LMBRD2: variants seen among roughly 807,000 people sequenced by gnomAD.
The protein encoded by LMBRD2 is LMBR1 domain containing 2, also known as G protein-coupled receptor-associated protein LMBRD2.
LMBRD2 carries 55 observed loss-of-function variants against 94.4 expected under a neutral mutation model. The ratio of observed to expected loss-of-function variants is 0.58; its 90% CI spans 0.47 to 0.73. The LOEUF is 0.73. LMBRD2 is among the 30% of genes least tolerant of loss of function. LMBRD2 has a pLI of 0.00. For synonymous variants in LMBRD2, 246 were observed against 272.4 expected, an observed-to-expected ratio of 0.90 and a Z score of 0.95; for missense variants, 640 against 831.9, an observed-to-expected ratio of 0.77 and a Z score of 2.84.
At position 36,116,447 on chromosome 5, in the gene LMBRD2, T is replaced by C. The variant is rs761945091; in HGVS notation, c.1436+13A>G. ...ATGACATTTCTCTTGTTTCTAAACA[T>C]AATCCTACTTACATGCCACTGAAAA... On this transcript the variant is annotated intron_variant, in intron 11 of 17. Coordinates refer to ENST00000296603, the MANE Select transcript of LMBRD2 (RefSeq NM_001007527.2). 6.2e-7 allele frequency: 1 copy of C among 1,609,962 alleles called. No individual in the cohort carries two copies. The highest frequency in any genetic ancestry group is 1.1e-5 in the South Asian group (1 of 90,408).
At position 36,122,216 on chromosome 5, in the gene LMBRD2, C is replaced by T; in HGVS notation, c.1120+64G>A. On this transcript the variant is annotated intron_variant, in intron 9 of 17. Transcript: ENST00000296603. ...ATTCAACTTTGCATTGGTGAAAATA[C>T]ATAACTTCTTTCTACAGAAAACTTT... 2.5e-6 allele frequency: 3 copies of T among 1,208,206 alleles called. No homozygotes were observed. In the South Asian group the frequency reaches 4.5e-5, roughly 18 times the overall value. The allele number at this position is 1,208,206 out of a possible 1,614,324, so 74.8% of individuals were successfully genotyped here. A position where few individuals can be genotyped will look rare whatever the true frequency, so the allele number is the denominator to read the frequency against.
intron 17 of LMBRD2, among the ~76,000 whole-genome samples, chr5:36,104,655 C>T (rs1435996688): frequency 1.3e-5 from 2 of 151,866 alleles, no homozygotes; most frequent in South Asian, 4.1e-4. Flanking sequence ...CATACAATTA[C>T]AATATTTTTG....
intron 17 of LMBRD2, among the ~76,000 whole-genome samples, chr5:36,104,557 T>G (rs11743551): frequency 0.29 from 43,438 of 151,878 alleles, 7,620 homozygotes; most frequent in Non-Finnish European, 0.39. Flanking sequence ...ATACTGGACT[T>G]TGAATGCCTG....
intron 16 of LMBRD2, 70 bp downstream of exon 16, chr5:36,108,464 A>C (rs1743524426): frequency 7.2e-6 from 5 of 689,862 alleles, no homozygotes; most frequent in Non-Finnish European, 1.2e-5. Flanking sequence ...TGTGTATTCT[A>C]ACACTCAATC....
chr5:36,113,183 T>C (rs933670623), intron 13 of LMBRD2, among the ~76,000 whole-genome samples: 1 of 152,128 alleles, frequency 6.6e-6, no homozygotes, highest in African/African-American at 2.4e-5. Flanking sequence ...CCTAACTGCT[T>C]GTGTTATCTA....
chr5:36,130,042 T>C (rs1374319754), intron 6 of LMBRD2, among the ~76,000 whole-genome samples: 2 of 147,228 alleles, frequency 1.4e-5, no homozygotes, highest in Non-Finnish European at 2.9e-5. Flanking sequence ...TGTTGTAGGG[T>C]GGCGGGAGCG....
chr5:36,146,582 GC>G (rs1459568286), intron 1 of LMBRD2, among the ~76,000 whole-genome samples: 5 of 152,148 alleles, frequency 3.3e-5, no homozygotes, highest in Non-Finnish European at 1.5e-5. Flanking sequence ...TTGCTATGTT[GC>G]CCAGGCTGGA....
chr5:36,134,129 C>A (rs576443868), intron 6 of LMBRD2, among the ~76,000 whole-genome samples: 4 of 151,924 alleles, frequency 2.6e-5, no homozygotes, highest in Admixed American at 6.6e-5. Flanking sequence ...AAATAATGTT[C>A]TTTCAAAAGA....
chr5:36,105,962 C>G (rs908260087), intron 16 of LMBRD2, among the ~76,000 whole-genome samples: 1 of 152,144 alleles, frequency 6.6e-6, no homozygotes, highest in Admixed American at 6.6e-5. Context: ...TTTCTGAAAA[C>G]TTAATGCAAG....
intron 14 of LMBRD2, 120 bp from the exon 15 acceptor site, chr5:36,110,111 G>C (rs1561511774): frequency 2.8e-6 from 2 of 718,436 alleles, no homozygotes; most frequent in East Asian, 5.3e-5. Context: ...AAAATCAAAT[G>C]TTATAGGTTA....
At chr5:36,122,575 T>C (rs563949984) in intron 8 of LMBRD2, 112 bp from the exon 9 acceptor site, 24 of 967,398 alleles carry the variant, frequency 2.5e-5, no homozygotes, top group Non-Finnish European at 3.6e-5. Context: ...GCTAGGGCAT[T>C]TACTGGGTCA....
intron 7 of LMBRD2, among the ~76,000 whole-genome samples, 173 bp from the exon 8 acceptor site, chr5:36,123,134 T>G (rs930982364): frequency 3.3e-5 from 5 of 152,156 alleles, no homozygotes; most frequent in African/African-American, 1.2e-4. Flanking sequence ...GAAAATGTCT[T>G]AAAAGATGTA....
At chr5:36,144,835 C>A (rs1744500326) in intron 1 of LMBRD2, among the ~76,000 whole-genome samples, 1 of 152,160 alleles carries the variant, frequency 6.6e-6, no homozygotes, top group South Asian at 2.1e-4. Flanking sequence ...AATACTCCTA[C>A]ATGAACTATC....
At chr5:36,114,369 G>T in intron 13 of LMBRD2, 55 bp downstream of exon 13, 1 of 1,512,250 alleles carries the variant, frequency 6.6e-7, no homozygotes, top group South Asian at 1.3e-5. Flanking sequence ...GAGCTTTAAA[G>T]AGAAAGGATA....
At chr5:36,105,999 T>G (rs1396434733) in intron 16 of LMBRD2, among the ~76,000 whole-genome samples, 1 of 152,200 alleles carries the variant, frequency 6.6e-6, no homozygotes, top group African/African-American at 2.4e-5. Flanking sequence ...TACATTTTTG[T>G]AAGCTTGGAC....
intron 1 of LMBRD2, among the ~76,000 whole-genome samples, chr5:36,144,064 TCTA>T (rs1002780696): frequency 2.2e-4 from 33 of 152,214 alleles, no homozygotes; most frequent in Middle Eastern, 3.5e-3. Context: ...TTTTAATTTT[TCTA>T]CTATTTTATA....
Position 36,103,792 on chromosome 5 carries a change from G to C in LMBRD2, c.*254C>G. 3.8e-6 allele frequency: 1 copy of C among 263,162 alleles called. No homozygotes were observed. Among genetic ancestry groups the C allele is most frequent in the Non-Finnish European group, 7.3e-6 (1 of 136,488 alleles). The allele number at this position is 263,162 out of a possible 1,614,324, so 16.3% of individuals were successfully genotyped here. A position where few individuals can be genotyped will look rare whatever the true frequency, so the allele number is the denominator to read the frequency against. On this transcript the variant is annotated 3_prime_UTR_variant, in exon 18 of 18. Coordinates refer to ENST00000296603, the MANE Select transcript of LMBRD2 (RefSeq NM_001007527.2). The stretch of plus-strand genomic sequence containing the variant: ...TTAACATATGTTGATCTTTCTTAAA[G>C]TCCTTCCACTGTAACTGTATTTCTA...
At position 36,116,502 on chromosome 5, in the gene LMBRD2, G is replaced by A. The variant is rs756689314; in HGVS notation, c.1394C>T (p.Ser465Leu). 6.2e-7 allele frequency: 1 copy of A among 1,613,168 alleles called. No individual in the cohort carries two copies. Among genetic ancestry groups the A allele is most frequent in the Non-Finnish European group, 8.5e-7 (1 of 1,179,270 alleles). ...IRVFNYYYLA[S>L]HHQTDAYSLL... ...GCTATAAGCATCAGTCTGGTGATGT[G>A]AGGCCAAATAATAATAGTTAAATAC... The change falls in exon 11 of 18, where the codon TCA (serine) becomes TTA (leucine). Residue 465 changes from serine to leucine, a missense_variant. By Grantham distance (145) the Ser-to-Leu change is moderately radical. Around this residue, in one of 2 missense-constraint regions of LMBRD2, gnomAD observed 457 missense variants for 642.8 expected, o/e 0.71. Coordinates refer to ENST00000296603, the MANE Select transcript of LMBRD2 (RefSeq NM_001007527.2).
At chr5:36,146,955 T>A (rs1353312163) in intron 1 of LMBRD2, among the ~76,000 whole-genome samples, 19 of 151,784 alleles carry the variant, frequency 1.3e-4, no homozygotes, top group South Asian at 6.3e-4. Context: ...TGTGTGTGTG[T>A]GTGTGTGTGT....
Sources: allele counts gnomAD v4.1 joint callset (sites outside exome capture counted in the v4.1 genomes callset), GRCh38; gene constraint gnomAD v4.1.1; regional missense constraint gnomAD v4.1.1; transcripts MANE v1.5; gene names NCBI Gene and HGNC (gene_info 2026-07-23, HGNC 2026-07-21).